The following SENP5 variants were observed in gnomAD, a reference collection of about 807,000 sequenced individuals.
SENP5 encodes the protein sentrin-specific protease 5.
A neutral mutation model predicts 74.2 loss-of-function variants in SENP5; 21 were observed. The ratio of observed to expected loss-of-function variants is 0.28; its 90% CI spans 0.20 to 0.41. The LOEUF is 0.41. Among genes scored for constraint, SENP5 ranks in the 10% least tolerant of loss-of-function variants. The pLI, the probability that SENP5 is intolerant of heterozygous loss-of-function variation, is 1.00. For missense variants in SENP5, 717 were observed against 889.1 expected, an observed-to-expected ratio of 0.81 and a Z score of 2.46; for synonymous variants, 311 against 312.7, an observed-to-expected ratio of 0.99 and a Z score of 0.06.
At chr3:196,898,906 G>A (rs985850053) in intron 2 of SENP5, among the ~76,000 whole-genome samples, 10 of 148,820 alleles carry the variant, frequency 6.7e-5, no homozygotes, top group Non-Finnish European at 1.3e-4. Flanking sequence ...GATTCCATTC[G>A]TCTCTACTAA....
chr3:196,877,676 T>C (rs1235346331), intron 1 of SENP5, among the ~76,000 whole-genome samples: 2 of 152,186 alleles, frequency 1.3e-5, no homozygotes, highest in African/African-American at 4.8e-5. Context: ...CTGAACTGTC[T>C]TGAACTAGTA....
rs1715873649 is a variant in SENP5 at position 196,927,779 on chromosome 3, G to A, written c.2023-17G>A. The A allele has an allele frequency of 6.8e-7, 1 of 1,464,222 alleles. No individual in the cohort carries two copies. The allele number at this position is 1,464,222 out of a possible 1,614,324, so 90.7% of individuals were successfully genotyped here. On this transcript the variant is annotated splice_polypyrimidine_tract_variant and intron_variant, in intron 7 of 9. Coordinates refer to ENST00000323460, the MANE Select transcript of SENP5 (RefSeq NM_152699.5). ...TGATGGAACACAGCATCTGTGTTGT[G>A]GTTTCTTTTTAACCAGAATATAAGA...
intron 5 of SENP5, among the ~76,000 whole-genome samples, chr3:196,903,222 C>T (rs2108839643): frequency 6.6e-6 from 1 of 152,286 alleles, no homozygotes; most frequent in East Asian, 1.9e-4. Context: ...TCACTACAAC[C>T]TCTGCCTCCC....
chr3:196,916,736 G>A (rs62411761), intron 6 of SENP5, among the ~76,000 whole-genome samples: 27,731 of 151,694 alleles, frequency 0.18, 3,408 homozygotes, highest in Non-Finnish European at 0.24. Flanking sequence ...CATGATGGTC[G>A]GACTGGTCTC....
chr3:196,881,461 G>A (rs142502012), intron 1 of SENP5, among the ~76,000 whole-genome samples: 39 of 152,020 alleles, frequency 2.6e-4, no homozygotes, highest in African/African-American at 8.9e-4. Context: ...GTGTGGAAAG[G>A]CCCTTCTTCC....
rs1444881367 is a variant in SENP5 at position 196,933,744 on chromosome 3, G to A, written c.*2821G>A. The A allele has an allele frequency of 6.6e-6, 1 of 152,198 alleles. No individual in the cohort carries two copies. Among genetic ancestry groups the A allele is most frequent in the Non-Finnish European group, 1.5e-5 (1 of 68,166 alleles). 9.4% of individuals were successfully genotyped at this position (152,198 alleles called of 1,614,324 possible). A position where few individuals can be genotyped will look rare whatever the true frequency, so the allele number is the denominator to read the frequency against. On this transcript the variant is annotated 3_prime_UTR_variant, in exon 10 of 10. Coordinates refer to ENST00000323460, the MANE Select transcript of SENP5 (RefSeq NM_152699.5). ...GCTTCCCCAATAGCTGGGACTACAG[G>A]TGTGCGCCACCACTCCCAGCTAATT... is the stretch of plus-strand genomic sequence containing the variant.
In SENP5 at chr3:196,896,712, G is replaced by T. The variant is rs1406601029; in HGVS notation, c.1514-2954G>T. On this transcript the variant is annotated intron_variant, in intron 2 of 9. Coordinates refer to ENST00000323460, the MANE Select transcript of SENP5 (RefSeq NM_152699.5). ...AGGTGATCCACCCGCCTTCCAAAGT[G>T]CTGGGATTACAGGCATGAGCCACCG... Among the ~76,000 whole-genome samples the T allele has an allele frequency of 7.2e-5, 11 of 152,252 alleles. No homozygotes were observed. The East Asian group carries it at 1.7e-3, about 24-fold the overall frequency.
chr3:196,895,159 G>A (rs1001349726), intron 2 of SENP5, among the ~76,000 whole-genome samples: 5 of 150,726 alleles, frequency 3.3e-5, no homozygotes, highest in Non-Finnish European at 5.9e-5. Flanking sequence ...GTCCAGTGCC[G>A]TTAGTTTAAC....
chr3:196,880,069 C>T (rs755654445), intron 1 of SENP5, among the ~76,000 whole-genome samples: 2 of 152,014 alleles, frequency 1.3e-5, no homozygotes, highest in Non-Finnish European at 2.9e-5. Flanking sequence ...CCTCAGCCTC[C>T]CGAGTAGCTG....
rs573313674 is a variant in SENP5, at chr3:196,919,843, T to C, written c.1885-3571T>C. 3.9e-5 allele frequency among the ~76,000 whole-genome samples: 6 copies of C among 152,204 alleles called. No homozygotes were observed. The East Asian group carries it at 9.6e-4, about 24-fold the overall frequency. On this transcript the variant is annotated intron_variant, in intron 6 of 9. Transcript: ENST00000323460. Reference sequence around the variant, plus strand: ...GATTTTTTTTTTCTTAGTATACTTTTCTTTTCCAATTTCATTGCTTTGGCA... The same window carrying C: ...GATTTTTTTTTTCTTAGTATACTTTCCTTTTCCAATTTCATTGCTTTGGCA...
chr3:196,926,372 C>T (rs1371592907), intron 7 of SENP5, among the ~76,000 whole-genome samples: 1 of 151,066 alleles, frequency 6.6e-6, no homozygotes, highest in Non-Finnish European at 1.5e-5. Context: ...GTCCCAGCTA[C>T]TCGGGAGGCT....
At chr3:196,889,070 C>T (rs994418940) in intron 2 of SENP5, among the ~76,000 whole-genome samples, 4 of 151,068 alleles carry the variant, frequency 2.6e-5, no homozygotes, top group Non-Finnish European at 4.4e-5. Flanking sequence ...GAGCTGAGAT[C>T]GTGCCACTGC....
At chr3:196,890,155 G>T (rs1452469414) in intron 2 of SENP5, among the ~76,000 whole-genome samples, 1 of 152,182 alleles carries the variant, frequency 6.6e-6, no homozygotes, top group South Asian at 2.1e-4. Context: ...TTCTCAGCAA[G>T]TTACCTAAGT....
Position 196,934,512 on chromosome 3 carries a change from T to A in SENP5, c.*3589T>A, listed in dbSNP as rs1197810751. On this transcript the variant is annotated 3_prime_UTR_variant, in exon 10 of 10. Coordinates refer to ENST00000323460, the MANE Select transcript of SENP5 (RefSeq NM_152699.5). ...GCTTTGCCTCCTGGCCTCTAGATAA[T>A]TAAGACGGCCCAGGGAATACCAGCA... 1 of 152,204 alleles carries A rather than the reference T, an allele frequency of 6.6e-6. No homozygotes were observed. The highest frequency in any genetic ancestry group is 1.9e-4 in the East Asian group (1 of 5,192). 9.4% of individuals were successfully genotyped at this position (152,204 alleles called of 1,614,324 possible).
chr3:196,868,542 C>T (rs969084212), intron 1 of SENP5, among the ~76,000 whole-genome samples: 3 of 152,140 alleles, frequency 2.0e-5, no homozygotes, highest in Admixed American at 1.3e-4. Flanking sequence ...ACGTCTTTTC[C>T]CTTCGGTCTG....
At chr3:196,892,732 C>T (rs537298708) in intron 2 of SENP5, among the ~76,000 whole-genome samples, 2 of 152,210 alleles carry the variant, frequency 1.3e-5, no homozygotes, top group East Asian at 1.9e-4. Flanking sequence ...CCACCCCCAG[C>T]CCCTGGTAAC....
intron 1 of SENP5, among the ~76,000 whole-genome samples, chr3:196,868,541 C>T (rs1019544200): frequency 1.3e-5 from 2 of 152,152 alleles, no homozygotes; most frequent in African/African-American, 4.8e-5. Context: ...GACGTCTTTT[C>T]CCTTCGGTCT....
intron 1 of SENP5, among the ~76,000 whole-genome samples, chr3:196,869,104 T>C (rs958457931): frequency 4.6e-5 from 7 of 151,766 alleles, no homozygotes; most frequent in African/African-American, 1.2e-4. Context: ...TGATCTTTAC[T>C]CAAGATAGCT....
chr3:196,903,685 C>T (rs1714790073), intron 6 of SENP5, 75 bp downstream of exon 6: 3 of 786,110 alleles, frequency 3.8e-6, no homozygotes, highest in Admixed American at 5.3e-5. Flanking sequence ...AGGATAAGTA[C>T]TTTAATGCCA....
Sources: gnomAD v4.1 joint callset for allele counts (sites outside exome capture counted in the v4.1 genomes callset) on GRCh38, gnomAD v4.1.1 for gene constraint, MANE v1.5 for transcripts, NCBI Gene and HGNC (gene_info 2026-07-23, HGNC 2026-07-21) for gene names.